PTPN12: variants seen among roughly 807,000 people sequenced by gnomAD.
PTPN12 encodes tyrosine-protein phosphatase non-receptor type 12.
Under a neutral mutation model 97.6 loss-of-function variants are expected in PTPN12, and 29 were observed. That is an observed-to-expected ratio of 0.30 (90% confidence interval 0.22 to 0.41). The LOEUF is 0.41. PTPN12 is among the 10% of genes least tolerant of loss of function. The probability of loss-of-function intolerance (pLI) is 1.00; values close to 1 mark genes in which losing one functional copy is unlikely to be tolerated. For missense variants in PTPN12, 819 were observed against 926.0 expected (o/e 0.88, Z 1.50); for synonymous variants, 327 against 300.4 (o/e 1.09, Z -0.91).
At chr7:77,607,403 T>C in intron 9 of PTPN12, 102 bp downstream of exon 9, 3 of 880,876 alleles carry the variant, frequency 3.4e-6, no homozygotes, top group Non-Finnish European at 5.2e-6. Context: ...ATTATACATG[T>C]TATTTTTTCC....
Position 77,627,132 on chromosome 7 carries a change from C to A in PTPN12, c.1453C>A (p.Leu485Ile), listed in dbSNP as rs1400473043. The A allele has an allele frequency of 6.2e-7, 1 of 1,614,116 alleles. No homozygotes were observed. The highest frequency in any genetic ancestry group is 8.5e-7 in the Non-Finnish European group (1 of 1,179,970). ...ISKPQELSSDLNVGDTSQNSC... is the reference protein window; with the variant it reads ...ISKPQELSSDINVGDTSQNSC... The stretch of plus-strand genomic sequence containing the variant: ...TAAGCCACAGGAATTAAGTTCAGAT[C>A]TAAATGTCGGTGATACTTCCCAGAA... Residue 485 changes from leucine to isoleucine, a missense_variant, in exon 13 of 18, where the codon CTA becomes ATA. Transcript: ENST00000248594.
In PTPN12 at chr7:77,618,960, T is replaced by A. The variant is rs1053866351; in HGVS notation, c.1025+395T>A. 2.0e-5 allele frequency among the ~76,000 whole-genome samples: 3 copies of A among 152,238 alleles called. No individual in the cohort carries two copies. In the East Asian group the frequency reaches 5.8e-4, roughly 29 times the overall value. On this transcript the variant is annotated intron_variant, in intron 12 of 17. Coordinates refer to ENST00000248594, the MANE Select transcript of PTPN12 (RefSeq NM_002835.4). ...TACTAGCAAAGATGAGTTTATTTCT[T>A]TAATTTTTCTTGCTTTTCTACCAAG...
At chr7:77,600,837 C>T (rs1476810050) in intron 8 of PTPN12, 31 bp downstream of exon 8, 1 of 1,527,898 alleles carries the variant, frequency 6.5e-7, no homozygotes, top group Non-Finnish European at 8.9e-7. Context: ...TTTATAAATA[C>T]ATTATTTAAG....
chr7:77,628,996 C>T (rs1789301102), intron 13 of PTPN12, among the ~76,000 whole-genome samples: 1 of 152,182 alleles, frequency 6.6e-6, no homozygotes, highest in Non-Finnish European at 1.5e-5. Flanking sequence ...GTTGCCCAGG[C>T]TGAAGTGCAG....
intron 1 of PTPN12, among the ~76,000 whole-genome samples, chr7:77,560,535 T>G (rs1287200348): frequency 6.6e-6 from 1 of 152,196 alleles, no homozygotes; most frequent in Non-Finnish European, 1.5e-5. Context: ...TAAACCACCC[T>G]CTTTATTCCA....
chr7:77,562,513 A>T (rs989656455), intron 1 of PTPN12, among the ~76,000 whole-genome samples: 1 of 152,234 alleles, frequency 6.6e-6, no homozygotes, highest in African/African-American at 2.4e-5. Flanking sequence ...GCATAACCAG[A>T]TGAAGGAAGA....
chr7:77,595,843 C>G (rs1036556572), intron 6 of PTPN12, among the ~76,000 whole-genome samples: 4 of 152,028 alleles, frequency 2.6e-5, no homozygotes, highest in African/African-American at 9.7e-5. Flanking sequence ...ACCAATAAGG[C>G]AAAAAGAATA....
rs1219989240 is a variant in PTPN12, at chr7:77,573,082, CAAAA to C, written c.208+1907_208+1910del. ...TGGGCGACAGAGTAAGACTCTATCT[CAAAA>C]AAAAAAAAAACAAAAAAACAAAAAA... is the stretch of plus-strand genomic sequence containing the variant. On this transcript the variant is annotated intron_variant, in intron 2 of 17. Transcript: ENST00000248594. Among the ~76,000 whole-genome samples the C allele has an allele frequency of 4.9e-4, 18 of 36,388 alleles. 4 individuals carry two copies. The East Asian group carries it at 0.026, about 53-fold the overall frequency. The allele number at this position is 36,388 out of a possible 152,430, so 23.9% of individuals were successfully genotyped here.
Position 77,618,768 on chromosome 7 carries a change from A to G in PTPN12, c.1025+203A>G, listed in dbSNP as rs796546110. Among the ~76,000 whole-genome samples, 111 of 152,338 alleles carry G rather than the reference A, an allele frequency of 7.3e-4. 1 individual carries two copies. Among genetic ancestry groups the G allele is most frequent in the African/African-American group, 2.5e-3 (106 of 41,586 alleles). Reference sequence around the variant, plus strand: ...ATTTTGGATAAAATTTCAATAATATACTGTAGCAGAATGTGGATACTACCA... The same window carrying G: ...ATTTTGGATAAAATTTCAATAATATGCTGTAGCAGAATGTGGATACTACCA... On this transcript the variant is annotated intron_variant, in intron 12 of 17. Coordinates refer to ENST00000248594, the MANE Select transcript of PTPN12 (RefSeq NM_002835.4).
chr7:77,629,808 G>A (rs951200219), intron 13 of PTPN12, among the ~76,000 whole-genome samples: 22 of 151,962 alleles, frequency 1.4e-4, no homozygotes, highest in African/African-American at 5.1e-4. Context: ...GGGCATGGTG[G>A]TGCACACTTG....
chr7:77,578,477 C>T (rs1179285374), intron 2 of PTPN12, among the ~76,000 whole-genome samples: 1 of 152,148 alleles, frequency 6.6e-6, no homozygotes, highest in Non-Finnish European at 1.5e-5. Flanking sequence ...GAATAATTTT[C>T]ACCAGAAGCA....
intron 4 of PTPN12, among the ~76,000 whole-genome samples, chr7:77,584,016 A>G (rs1787605237): frequency 6.6e-6 from 1 of 152,232 alleles, no homozygotes; most frequent in African/African-American, 2.4e-5. Context: ...ATATAAACAC[A>G]TAACTATAAA....
chr7:77,586,337 T>C (rs965287697), intron 5 of PTPN12, among the ~76,000 whole-genome samples: 3 of 152,230 alleles, frequency 2.0e-5, no homozygotes, highest in Non-Finnish European at 4.4e-5. Context: ...ATCTTTATGC[T>C]GGTAAAGGGT....
Position 77,630,230 on chromosome 7 carries a change from A to G in PTPN12, c.1997-2118A>G, listed in dbSNP as rs567218739. Among the ~76,000 whole-genome samples, 9 of 152,258 alleles carry G rather than the reference A, an allele frequency of 5.9e-5. No individual in the cohort carries two copies. In the South Asian group the frequency reaches 1.9e-3, roughly 32 times the overall value. ...TATAGATTGTTTATTTACCTTATAG[A>G]TTATTATTTCCTTTGTAGATCATTA... On this transcript the variant is annotated intron_variant, in intron 13 of 17. Coordinates refer to ENST00000248594, the MANE Select transcript of PTPN12 (RefSeq NM_002835.4).
chr7:77,617,470 GT>G (rs1161709312), intron 11 of PTPN12, among the ~76,000 whole-genome samples: 1 of 152,184 alleles, frequency 6.6e-6, no homozygotes, highest in Non-Finnish European at 1.5e-5. Flanking sequence ...GAGATCTCTA[GT>G]TGTTTAGTTG....
chr7:77,585,707 C>T, intron 5 of PTPN12, 126 bp downstream of exon 5: 4 of 697,624 alleles, frequency 5.7e-6, no homozygotes, highest in Non-Finnish European at 9.2e-6. Context: ...ACTGCTGTTG[C>T]TTTTATTTCA....
chr7:77,607,413 C>G, intron 9 of PTPN12, 112 bp downstream of exon 9: 1 of 825,430 alleles, frequency 1.2e-6, no homozygotes, highest in Middle Eastern at 3.8e-4. Flanking sequence ...TTATTTTTTC[C>G]AAAGTAGTTT....
At chr7:77,561,951 C>G (rs530406003) in intron 1 of PTPN12, among the ~76,000 whole-genome samples, 9 of 151,834 alleles carry the variant, frequency 5.9e-5, no homozygotes, top group African/African-American at 2.2e-4. Flanking sequence ...ATCACCACGC[C>G]CAACTAATTT....
intron 11 of PTPN12, among the ~76,000 whole-genome samples, chr7:77,614,384 T>A (rs1788680515): frequency 6.6e-6 from 1 of 152,178 alleles, no homozygotes; most frequent in African/African-American, 2.4e-5. Flanking sequence ...TCTTTCTGTC[T>A]AATAGGTCAG....
Sources: gnomAD v4.1 joint callset for allele counts (sites outside exome capture counted in the v4.1 genomes callset) on GRCh38, gnomAD v4.1.1 for gene constraint, MANE v1.5 for transcripts, NCBI Gene and HGNC (gene_info 2026-07-23, HGNC 2026-07-21) for gene names.